Variants in CDHR3 observed in about 807,000 individuals in gnomAD.
The protein encoded by CDHR3 is cadherin-related family member 3.
A neutral mutation model predicts 86.6 loss-of-function variants in CDHR3; 79 were observed. That is an observed-to-expected ratio of 0.91 (90% confidence interval 0.76 to 1.10). The LOEUF (loss-of-function observed/expected upper bound fraction) is 1.10, where lower values mean the gene tolerates loss of function less well. Ranked by LOEUF, CDHR3 falls within the 50% of genes least tolerant of loss-of-function variation. The pLI is 0.00. For missense variants in CDHR3, 1,081 were observed against 1,077.6 expected (o/e 1.00, Z -0.04); for synonymous variants, 421 against 402.4 (o/e 1.05, Z -0.55).
chr7:106,017,024 A>G (rs764116748), intron 11 of CDHR3, among the ~76,000 whole-genome samples: 4 of 152,224 alleles, frequency 2.6e-5, no homozygotes, highest in African/African-American at 7.2e-5. Flanking sequence ...ACCCACCAAC[A>G]ATATTTGTAA....
Position 106,013,007 on chromosome 7 carries a change from T to C in CDHR3, c.1200T>C (p.Asp400=). 1 of 1,608,048 alleles carries C rather than the reference T, an allele frequency of 6.2e-7. No individual in the cohort carries two copies. The highest frequency in any genetic ancestry group is 1.7e-5 in the Admixed American group (1 of 58,800). ...GGAGCGGCAGCAGATTTTTACAGGA[T>C]CCAGCTGGCTCTGGGAAGATTGTGG... ...GVGSGSRFLQ[D]PAGSGKIVLI... is the part of the protein sequence containing the mutation. The change falls in exon 9 of 19, where the codon GAT becomes GAC. Residue 400 remains aspartate, a synonymous_variant. Coordinates refer to ENST00000317716, the MANE Select transcript of CDHR3 (RefSeq NM_152750.5).
intron 8 of CDHR3, among the ~76,000 whole-genome samples, chr7:106,009,957 G>A (rs1313743462): frequency 6.6e-6 from 1 of 152,212 alleles, no homozygotes; most frequent in African/African-American, 2.4e-5. Flanking sequence ...TTTTGAGGCA[G>A]GGATTGCTGA....
chr7:105,969,397 CAA>C (rs760242300), intron 1 of CDHR3, among the ~76,000 whole-genome samples: 51 of 79,806 alleles, frequency 6.4e-4, no homozygotes, highest in East Asian at 2.2e-3. Context: ...GACTCCGTCT[CAA>C]AAAAAAAAAA....
intron 15 of CDHR3, among the ~76,000 whole-genome samples, chr7:106,025,862 A>G (rs753151398): frequency 2.5e-4 from 38 of 152,196 alleles, no homozygotes; most frequent in Non-Finnish European, 5.3e-4. Flanking sequence ...CTCTATTCAC[A>G]AATTGATTTT....
intron 14 of CDHR3, 39 bp downstream of exon 14, chr7:106,022,487 C>A: frequency 6.3e-7 from 1 of 1,598,676 alleles, no homozygotes; most frequent in South Asian, 1.1e-5. Flanking sequence ...GGCACATTCC[C>A]TTGTGAGTTA....
chr7:105,965,020 G>A (rs979576440), intron 1 of CDHR3, among the ~76,000 whole-genome samples: 3 of 152,080 alleles, frequency 2.0e-5, no homozygotes, highest in African/African-American at 7.3e-5. Flanking sequence ...TTCTTATACT[G>A]AACACTATCA....
intron 7 of CDHR3, among the ~76,000 whole-genome samples, chr7:106,002,566 A>C (rs192599830): frequency 6.6e-6 from 1 of 152,228 alleles, no homozygotes; most frequent in African/African-American, 2.4e-5. Flanking sequence ...AAGGTGCCAT[A>C]TTTTGGGGTA....
At chr7:106,013,434 C>A in intron 9 of CDHR3, among the ~76,000 whole-genome samples, 1 of 152,228 alleles carries the variant, frequency 6.6e-6, no homozygotes, top group Middle Eastern at 3.4e-3. Flanking sequence ...AATTCCACAC[C>A]GTAGAACCAC....
intron 15 of CDHR3, among the ~76,000 whole-genome samples, chr7:106,025,421 C>T (rs1039573213): frequency 2.0e-5 from 3 of 152,150 alleles, no homozygotes; most frequent in Non-Finnish European, 2.9e-5. Context: ...CAAATGTAAA[C>T]AAGGCACTTA....
intron 6 of CDHR3, among the ~76,000 whole-genome samples, chr7:105,997,899 T>A (rs1054796434): frequency 6.6e-6 from 1 of 151,942 alleles, no homozygotes; most frequent in Non-Finnish European, 1.5e-5. Context: ...GAGGAACATA[T>A]TGGGCTCCAT....
chr7:105,969,018 G>A (rs1277611308), intron 1 of CDHR3, among the ~76,000 whole-genome samples: 1 of 151,738 alleles, frequency 6.6e-6, no homozygotes, highest in Non-Finnish European at 1.5e-5. Context: ...TACCCGGGAG[G>A]CGGAGCTTGC....
chr7:106,025,197 C>A (rs1163940351), intron 15 of CDHR3, among the ~76,000 whole-genome samples: 1 of 152,114 alleles, frequency 6.6e-6, no homozygotes, highest in Non-Finnish European at 1.5e-5. Flanking sequence ...GAAGAGAGCA[C>A]CAAAGAATCA....
At chr7:106,010,454 A>G (rs923332854) in intron 8 of CDHR3, among the ~76,000 whole-genome samples, 5 of 152,192 alleles carry the variant, frequency 3.3e-5, no homozygotes, top group Non-Finnish European at 4.4e-5. Flanking sequence ...AAACCATGAC[A>G]TTGTGCAATC....
At chr7:105,979,973 C>T (rs1380612349) in intron 2 of CDHR3, among the ~76,000 whole-genome samples, 1 of 152,146 alleles carries the variant, frequency 6.6e-6, no homozygotes, top group African/African-American at 2.4e-5. Context: ...CGCCAGAGTT[C>T]CTGCTGGCAA....
At chr7:106,017,722 G>A (rs1463997939) in intron 11 of CDHR3, 124 bp from the exon 12 acceptor site, 2 of 702,420 alleles carry the variant, frequency 2.8e-6, no homozygotes, top group African/African-American at 3.6e-5. Context: ...CTATAAAACA[G>A]AGTTTGGACA....
chr7:105,993,909 T>A (rs1831782949), intron 4 of CDHR3, among the ~76,000 whole-genome samples: 1 of 152,050 alleles, frequency 6.6e-6, no homozygotes, highest in African/African-American at 2.4e-5. Context: ...CTGGGCAGGG[T>A]GTCATCAAGA....
chr7:106,016,116 C>A, intron 11 of CDHR3, 91 bp downstream of exon 11: 2 of 758,702 alleles, frequency 2.6e-6, no homozygotes, highest in Admixed American at 4.6e-5. Context: ...CTTCTGGAGG[C>A]CTCGCATGCT....
Position 106,035,253 on chromosome 7 carries a change from T to G in CDHR3, c.*2556T>G, listed in dbSNP as rs143762570. Among the ~76,000 whole-genome samples, 129 of 152,298 alleles carry G rather than the reference T, an allele frequency of 8.5e-4. 1 individual carries two copies. The highest frequency in any genetic ancestry group is 3.4e-3 in the Middle Eastern group (1 of 294). ...TGGGGCCTCTCTGAAGAGCTCAGTGTCTTCTCTGGTGATAGGCAGGAAGAG... is the reference window on the plus strand; with the variant it reads ...TGGGGCCTCTCTGAAGAGCTCAGTGGCTTCTCTGGTGATAGGCAGGAAGAG... On this transcript the variant is annotated 3_prime_UTR_variant, in exon 19 of 19. Transcript: ENST00000317716.
chr7:106,032,968 G>T lies in CDHR3; in HGVS notation c.*271G>T. On this transcript the variant is annotated 3_prime_UTR_variant, in exon 19 of 19. Transcript: ENST00000317716. Reference sequence around the variant, plus strand: ...AGCAAGACTGTTAACTTTGGGGTGTGGAATTGTTGTGTTTCTTCTTTGCAT... The same window carrying T: ...AGCAAGACTGTTAACTTTGGGGTGTTGAATTGTTGTGTTTCTTCTTTGCAT... 1 of 435,450 alleles carries T rather than the reference G, an allele frequency of 2.3e-6. No homozygotes were observed. The highest frequency in any genetic ancestry group is 4.1e-6 in the Non-Finnish European group (1 of 243,414). The allele number at this position is 435,450 out of a possible 1,614,324, so 27.0% of individuals were successfully genotyped here.
Sources: gnomAD v4.1 joint callset for allele counts (sites outside exome capture counted in the v4.1 genomes callset) on GRCh38, gnomAD v4.1.1 for gene constraint, MANE v1.5 for transcripts, NCBI Gene and HGNC (gene_info 2026-07-23, HGNC 2026-07-21) for gene names.